Variants in HIVEP3 observed in about 807,000 individuals in gnomAD.
The protein encoded by HIVEP3 is transcription factor HIVEP3.
In HIVEP3, 49 loss-of-function variants were observed where a neutral mutation model predicts 152.8. That is an observed-to-expected ratio of 0.32 (90% CI 0.26 to 0.41). HIVEP3 has a LOEUF of 0.41. Ranked by LOEUF, HIVEP3 falls within the 10% of genes least tolerant of loss-of-function variation. The pLI is 1.00. For synonymous variants in HIVEP3, 1,269 were observed against 1,289.0 expected (o/e 0.98, Z 0.33); for missense variants, 2,790 against 3,103.3 (o/e 0.90, Z 2.40).
Position 41,979,573 on chromosome 1 carries a change from C to CT in HIVEP3, n.119+56233dup, listed in dbSNP as rs534504942. 4.6e-3 allele frequency among the ~76,000 whole-genome samples: 693 copies of CT among 152,246 alleles called. 5 individuals are homozygous for CT. Among genetic ancestry groups the CT allele is most frequent in the African/African-American group, 0.016 (674 of 41,542 alleles). ...ACTGTCACTCACTCTATTTTCTTTT[C>CT]TTTTTTTGACATATCATTGCACCAC... On this transcript the variant is annotated intron_variant and non_coding_transcript_variant, in intron 1 of 3. Coordinates refer to the HIVEP3 transcript ENST00000489103.
chr1:41,988,787 T>C (rs1050173068), intron 1 of HIVEP3, among the ~76,000 whole-genome samples: 1 of 152,184 alleles, frequency 6.6e-6, no homozygotes, highest in African/African-American at 2.4e-5. Context: ...GCAGCATTAT[T>C]TATAATAGCC....
intron 3 of HIVEP3, among the ~76,000 whole-genome samples, chr1:41,611,809 C>T: frequency 6.6e-6 from 1 of 152,218 alleles, no homozygotes; most frequent in East Asian, 1.9e-4. Context: ...ATGGTATTCA[C>T]TAGAGTTGGG....
chr1:41,543,835 C>T (rs1021783235), intron 5 of HIVEP3: 1 of 152,250 alleles, frequency 6.6e-6, no homozygotes, highest in African/African-American at 2.4e-5. Flanking sequence ...GATGCTTCTT[C>T]GCCGTGTTGA....
At chr1:41,847,993 GA>G (rs1643489672) in intron 1 of HIVEP3, 1 of 152,274 alleles carries the variant, frequency 6.6e-6, no homozygotes, top group African/African-American at 2.4e-5. Flanking sequence ...CAACTTCTGA[GA>G]ACAGGAATGT....
intron 1 of HIVEP3, among the ~76,000 whole-genome samples, chr1:41,755,066 C>G (rs1256525823): frequency 6.6e-6 from 1 of 152,180 alleles, no homozygotes; most frequent in Non-Finnish European, 1.5e-5. Flanking sequence ...CATGATATAG[C>G]TACAGTAATC....
chr1:41,663,269 G>A (rs1341548053), intron 2 of HIVEP3, among the ~76,000 whole-genome samples: 1 of 152,262 alleles, frequency 6.6e-6, no homozygotes, highest in Non-Finnish European at 1.5e-5. Flanking sequence ...CCTGGGTTTG[G>A]CTGACTCCAG....
chr1:41,889,986 A>G (rs549925142), intron 1 of HIVEP3, among the ~76,000 whole-genome samples: 2 of 152,218 alleles, frequency 1.3e-5, no homozygotes, highest in Admixed American at 1.3e-4. Flanking sequence ...TGAACAACTC[A>G]AGTGACAGCA....
intron 1 of HIVEP3, among the ~76,000 whole-genome samples, chr1:41,966,475 C>CTTTT (rs58470482): frequency 0.012 from 1,157 of 95,794 alleles, 145 homozygotes; most frequent in African/African-American, 0.045. Context: ...GTGCTGTATT[C>CTTTT]TTTTTTTTTT....
chr1:41,525,300 C>T (rs1301228220), intron 5 of HIVEP3, among the ~76,000 whole-genome samples: 1 of 151,224 alleles, frequency 6.6e-6, no homozygotes, highest in Non-Finnish European at 1.5e-5. Flanking sequence ...GATAATAAAA[C>T]AGCAGCAGCA....
At chr1:41,815,717 G>A (rs1271633970) in intron 1 of HIVEP3, among the ~76,000 whole-genome samples, 5 of 151,482 alleles carry the variant, frequency 3.3e-5, no homozygotes, top group East Asian at 1.9e-4. Context: ...ATCATGAATC[G>A]CCAACAAGTG....
chr1:41,531,641 G>A (rs1643258805), intron 5 of HIVEP3, among the ~76,000 whole-genome samples: 1 of 84,634 alleles, frequency 1.2e-5, no homozygotes, highest in South Asian at 5.8e-4. Flanking sequence ...ACGGGAGATG[G>A]AGGACAGGAG....
chr1:41,695,001 C>G (rs1646250878), intron 2 of HIVEP3, among the ~76,000 whole-genome samples: 1 of 152,196 alleles, frequency 6.6e-6, no homozygotes, highest in South Asian at 2.1e-4. Context: ...GAATGCTATA[C>G]AGAGTCAAAG....
intron 2 of HIVEP3, among the ~76,000 whole-genome samples, chr1:41,641,893 A>T (rs1052115518): frequency 3.3e-5 from 5 of 151,980 alleles, no homozygotes; most frequent in Non-Finnish European, 7.4e-5. Context: ...CGCCTCCTCC[A>T]CCTCCTAGCT....
At chr1:41,545,071 CCAACAT>C (rs1472587336) in intron 5 of HIVEP3, among the ~76,000 whole-genome samples, 8 of 121,308 alleles carry the variant, frequency 6.6e-5, no homozygotes, top group East Asian at 2.6e-4. Context: ...ACCACCACCA[CCAACAT>C]CACCACCTCT....
rs113845834 is a variant in HIVEP3, at chr1:41,662,851, C to T, written c.-720-33904G>A. On this transcript the variant is annotated intron_variant, in intron 2 of 8. Transcript: ENST00000372583. This position sits in a 1 kb window ranked among gnomAD's most constrained non-coding sequence, Gnocchi z 7.2. ...GCACCCGGGCCCAGCGGGAGTCCAT[C>T]GCCGTCCCCAAAGTGTGCGCTCCCC... Among the ~76,000 whole-genome samples, 41 of 152,276 alleles carry T rather than the reference C, an allele frequency of 2.7e-4. No individual in the cohort carries two copies. Among genetic ancestry groups the T allele is most frequent in the African/African-American group, 9.4e-4 (39 of 41,574 alleles).
Position 41,662,919 on chromosome 1 carries a change from C to A in HIVEP3, c.-720-33972G>T, listed in dbSNP as rs1323720068. On this transcript the variant is annotated intron_variant, in intron 2 of 8. Coordinates refer to ENST00000372583, the MANE Select transcript of HIVEP3 (RefSeq NM_024503.5). This position sits in a 1 kb window ranked among gnomAD's most constrained non-coding sequence, Gnocchi z 7.2. ...CAGCCGGGCTCCGGGAAGCCCGCGCCTCCCCAGGCGGGAATCCGCTTTAAT... is the reference window on the plus strand; with the variant it reads ...CAGCCGGGCTCCGGGAAGCCCGCGCATCCCCAGGCGGGAATCCGCTTTAAT... Among the ~76,000 whole-genome samples, 1 of 152,168 alleles carries A rather than the reference C, an allele frequency of 6.6e-6. No individual in the cohort carries two copies. Among genetic ancestry groups the A allele is most frequent in the Non-Finnish European group, 1.5e-5 (1 of 68,018 alleles).
chr1:41,589,021 G>A (rs1020443566), intron 3 of HIVEP3, among the ~76,000 whole-genome samples: 8 of 152,220 alleles, frequency 5.3e-5, no homozygotes, highest in Non-Finnish European at 1.0e-4. Flanking sequence ...CCGAAGGACC[G>A]TTCTAATGAC....
At chr1:41,837,701 C>A (rs979977227) in intron 1 of HIVEP3, among the ~76,000 whole-genome samples, 1 of 152,278 alleles carries the variant, frequency 6.6e-6, no homozygotes, top group South Asian at 2.1e-4. Flanking sequence ...TTGTTTAATT[C>A]TATCTCCTAT....
intron 1 of HIVEP3, among the ~76,000 whole-genome samples, chr1:41,924,348 A>G (rs1204401468): frequency 6.6e-6 from 1 of 152,128 alleles, no homozygotes; most frequent in East Asian, 1.9e-4. Context: ...ATTTTAAATA[A>G]CTGAGTTTGT....
Sources: allele counts gnomAD v4.1 joint callset (sites outside exome capture counted in the v4.1 genomes callset), GRCh38; gene constraint gnomAD v4.1.1; non-coding constraint Gnocchi (gnomAD v3.1); transcripts MANE v1.5; gene names NCBI Gene and HGNC (gene_info 2026-07-23, HGNC 2026-07-21).